The following WDFY4 variants were observed in gnomAD, a reference collection of about 807,000 sequenced individuals.
WDFY4 encodes the protein WD repeat- and FYVE domain-containing protein 4.
WDFY4 carries 169 observed loss-of-function variants against 351.9 expected under a neutral mutation model. The observed-to-expected ratio is 0.48, with a 90% CI of 0.42 to 0.55. The LOEUF (loss-of-function observed/expected upper bound fraction) is 0.55. Among genes scored for constraint, WDFY4 ranks in the 20% least tolerant of loss-of-function variants. The pLI, the probability that WDFY4 is intolerant of heterozygous loss-of-function variation, is 0.00. For missense variants in WDFY4, 3,803 were observed against 3,935.6 expected (o/e 0.97, Z 0.90); for synonymous variants, 1,622 against 1,574.6 (o/e 1.03, Z -0.71).
intron 11 of WDFY4, among the ~76,000 whole-genome samples, chr10:48,738,716 A>G (rs1187717886): frequency 6.6e-6 from 1 of 152,242 alleles, no homozygotes; most frequent in African/African-American, 2.4e-5. Context: ...GAAGATGCTA[A>G]GTGAATTGCT....
At chr10:48,953,502 GC>G (rs1841440913) in intron 51 of WDFY4, among the ~76,000 whole-genome samples, 1 of 152,214 alleles carries the variant, frequency 6.6e-6, no homozygotes, top group Non-Finnish European at 1.5e-5. Context: ...TGCTTCTGAA[GC>G]CAGTGTGCTT....
chr10:48,697,662 G>A (rs1054175131), intron 1 of WDFY4, among the ~76,000 whole-genome samples: 3 of 152,226 alleles, frequency 2.0e-5, no homozygotes, highest in Non-Finnish European at 4.4e-5. Context: ...TAACCAGAGT[G>A]ATCATGGCCC....
chr10:48,882,565 C>T (rs76473447), intron 43 of WDFY4, among the ~76,000 whole-genome samples: 2,782 of 152,036 alleles, frequency 0.018, 29 homozygotes, highest in Middle Eastern at 0.075. Context: ...GCTCACAGTC[C>T]GCAGGGTGTA....
chr10:48,899,682 A>G (rs1837259085), intron 45 of WDFY4, among the ~76,000 whole-genome samples: 1 of 152,202 alleles, frequency 6.6e-6, no homozygotes, highest in South Asian at 2.1e-4. Flanking sequence ...GAGAAAAAAA[A>G]AGAAAAGATA....
In WDFY4 at chr10:48,743,519, C is replaced by T; in HGVS notation, c.2430C>T (p.Asn810=). 6.5e-7 allele frequency: 1 copy of T among 1,538,402 alleles called. No homozygotes were observed. Among genetic ancestry groups the T allele is most frequent in the Non-Finnish European group, 8.7e-7 (1 of 1,145,748 alleles). ...AAACTGGCAGTGACCCCCAACGCAA[C>T]TTCAAGCAGTGGCCAGACCTGGAGG... ...KGETGSDPQR[N]FKQWPDLEER... The change falls in exon 12 of 62, where the codon AAC becomes AAT. Residue 810 remains asparagine (N), a synonymous_variant. Transcript: ENST00000325239.
intron 47 of WDFY4, among the ~76,000 whole-genome samples, chr10:48,934,018 G>A (rs752146854): frequency 6.6e-6 from 1 of 152,252 alleles, no homozygotes; most frequent in East Asian, 1.9e-4. Flanking sequence ...GACAGCAGCT[G>A]TCTCAGTGCC....
intron 43 of WDFY4, chr10:48,884,083 T>A (rs1255005618): frequency 6.6e-6 from 1 of 152,204 alleles, no homozygotes; most frequent in Non-Finnish European, 1.5e-5. Context: ...GAAGGTTTGC[T>A]TTTGTTATTG....
intron 12 of WDFY4, among the ~76,000 whole-genome samples, chr10:48,754,029 T>C (rs1243001297): frequency 6.6e-6 from 1 of 152,150 alleles, no homozygotes; most frequent in African/African-American, 2.4e-5. Context: ...TGATCATCTG[T>C]TTTTTGCCTT....
At chr10:48,854,532 T>C (rs1351241099) in intron 39 of WDFY4, among the ~76,000 whole-genome samples, 2 of 152,198 alleles carry the variant, frequency 1.3e-5, no homozygotes, top group Admixed American at 6.5e-5. Flanking sequence ...CCTAGCTTCA[T>C]AACATCTCAG....
intron 25 of WDFY4, 142 bp downstream of exon 25, chr10:48,803,501 T>A: frequency 1.2e-6 from 1 of 813,068 alleles, no homozygotes; most frequent in Non-Finnish European, 1.9e-6. Flanking sequence ...CAGTGGCTCA[T>A]GCTTGTGGGG....
At chr10:48,912,502 G>A (rs1277272036) in intron 47 of WDFY4, among the ~76,000 whole-genome samples, 1 of 152,186 alleles carries the variant, frequency 6.6e-6, no homozygotes, top group Admixed American at 6.5e-5. Flanking sequence ...ATCCACGACT[G>A]GGATCTCCTG....
rs767111707 is a variant in WDFY4, at chr10:48,963,871, C to A, written c.8253C>A (p.Asn2751Lys). The stretch of plus-strand genomic sequence containing the variant: ...TGGAAAGTGACTTTGTCAGTGCCAA[C>A]CTCCACCATTGGATAGACCTTATTT... Reference protein sequence around the residue: ...KALESDFVSANLHHWIDLIFG... With the variant: ...KALESDFVSAKLHHWIDLIFG... Residue 2751 changes from asparagine (N) to lysine (K), a missense_variant, in exon 54 of 62, where the codon AAC becomes AAA. Around this residue, in one of 3 missense-constraint regions of WDFY4, gnomAD observed 3,054 missense variants for 3,148.6 expected, o/e 0.97. Coordinates refer to ENST00000325239, the MANE Select transcript of WDFY4 (RefSeq NM_001394531.1). 1.9e-6 allele frequency: 3 copies of A among 1,551,612 alleles called. No individual in the cohort carries two copies. The highest frequency in any genetic ancestry group is 2.6e-6 in the Non-Finnish European group (3 of 1,147,002).
intron 2 of WDFY4, among the ~76,000 whole-genome samples, chr10:48,712,038 A>G (rs1399729838): frequency 6.6e-6 from 1 of 152,226 alleles, no homozygotes; most frequent in Non-Finnish European, 1.5e-5. Flanking sequence ...TGTTACTATT[A>G]TAAGTGAACC....
At chr10:48,815,502 A>G (rs995438783) in intron 31 of WDFY4, among the ~76,000 whole-genome samples, 2 of 151,780 alleles carry the variant, frequency 1.3e-5, no homozygotes, top group Non-Finnish European at 2.9e-5. Flanking sequence ...TCTGTTGCCC[A>G]GGCTGGAGTG....
At chr10:48,926,001 T>C (rs1431299526) in intron 47 of WDFY4, among the ~76,000 whole-genome samples, 2 of 152,150 alleles carry the variant, frequency 1.3e-5, no homozygotes, top group African/African-American at 4.8e-5. Flanking sequence ...CAGCAAAGAA[T>C]ACAGCCAAAG....
rs1355856212 is a variant in WDFY4, at chr10:48,963,824, T to C, written c.8224-18T>C. On this transcript the variant is annotated intron_variant, in intron 53 of 61. Coordinates refer to ENST00000325239, the MANE Select transcript of WDFY4 (RefSeq NM_001394531.1). ...ATGAGTGGCCTGGGTTTTAATGCTC[T>C]TTGGGTTTTTGTTCCAGGCCCTGGA... The C allele has an allele frequency of 6.4e-7, 1 of 1,551,100 alleles. No homozygotes were observed. The highest frequency in any genetic ancestry group is 1.2e-5 in the South Asian group (1 of 84,020).
intron 32 of WDFY4, among the ~76,000 whole-genome samples, 173 bp from the exon 33 acceptor site, chr10:48,820,061 A>G (rs12242220): frequency 0.13 from 19,960 of 152,158 alleles, 1,439 homozygotes; most frequent in Middle Eastern, 0.2. Context: ...AAACAGTAGC[A>G]GGCCACTTTA....
chr10:48,837,898 G>A (rs563311480), intron 39 of WDFY4, among the ~76,000 whole-genome samples: 4 of 152,352 alleles, frequency 2.6e-5, no homozygotes, highest in South Asian at 2.1e-4. Flanking sequence ...CCCATCAGAG[G>A]AGGGGGACCC....
At position 48,720,092 on chromosome 10, in the gene WDFY4, C is replaced by A; in HGVS notation, c.316C>A (p.Gln106Lys). The change falls in exon 3 of 62, where the codon CAA (glutamine) becomes AAA (lysine). Residue 106 changes from glutamine (Q) to lysine (K), a missense_variant. Around this residue, in one of 3 missense-constraint regions of WDFY4, gnomAD observed 488 missense variants for 456.8 expected, o/e 1.07. Coordinates refer to ENST00000325239, the MANE Select transcript of WDFY4 (RefSeq NM_001394531.1). ...AEDVSDQLAQ[Q>K]LQKALVGKPA... ...AGACGTGTCTGACCAGCTTGCCCAG[C>A]AACTCCAGAAGGCCCTTGTGGGGAA... 6.4e-7 allele frequency: 1 copy of A among 1,551,878 alleles called. No homozygotes were observed. The highest frequency in any genetic ancestry group is 8.7e-7 in the Non-Finnish European group (1 of 1,147,046).
Sources: gnomAD v4.1 joint callset for allele counts (sites outside exome capture counted in the v4.1 genomes callset) on GRCh38, gnomAD v4.1.1 for gene constraint, gnomAD v4.1.1 regional missense constraint, MANE v1.5 for transcripts, NCBI Gene and HGNC (gene_info 2026-07-23, HGNC 2026-07-21) for gene names.